PARD3: variants seen among roughly 807,000 people sequenced by gnomAD.
PARD3 encodes the protein par-3 family cell polarity regulator.
PARD3 carries 75 observed loss-of-function variants against 155.4 expected under a neutral mutation model. The observed-to-expected ratio is 0.48, with a 90% confidence interval of 0.40 to 0.58. The LOEUF (loss-of-function observed/expected upper bound fraction) is 0.58. Among genes scored for constraint, PARD3 ranks in the 20% least tolerant of loss-of-function variants. The probability of loss-of-function intolerance (pLI) is 0.00; values close to 1 mark genes in which losing one functional copy is unlikely to be tolerated. For missense variants in PARD3, 1,642 were observed against 1,721.7 expected (o/e 0.95, Z 0.82); for synonymous variants, 576 against 610.5 (o/e 0.94, Z 0.83).
chr10:34,273,558 G>C (rs1195619605), intron 21 of PARD3, among the ~76,000 whole-genome samples: 1 of 152,160 alleles, frequency 6.6e-6, no homozygotes, highest in Admixed American at 6.5e-5. Context: ...ATGTGCACAG[G>C]TGATGACACA....
intron 22 of PARD3, among the ~76,000 whole-genome samples, chr10:34,223,774 A>G (rs777193275): frequency 2.6e-5 from 4 of 152,190 alleles, no homozygotes; most frequent in East Asian, 1.9e-4. Context: ...CAGCCTCTAT[A>G]TATTTCCTCA....
intron 3 of PARD3, among the ~76,000 whole-genome samples, chr10:34,484,914 TGC>T (rs1271775280): frequency 6.6e-6 from 1 of 152,222 alleles, no homozygotes; most frequent in East Asian, 1.9e-4. Flanking sequence ...TCATTGTGTT[TGC>T]CATGCTGCCC....
chr10:34,803,329 GGA>G (rs914714112), intron 1 of PARD3, among the ~76,000 whole-genome samples: 18 of 151,990 alleles, frequency 1.2e-4, no homozygotes, highest in Non-Finnish European at 2.4e-4. Context: ...TAAATGTCTG[GGA>G]GAGATTCCTC....
At chr10:34,697,056 C>CACACACACA (rs1564520190) in intron 1 of PARD3, among the ~76,000 whole-genome samples, 3 of 147,952 alleles carry the variant, frequency 2.0e-5, no homozygotes, top group African/African-American at 7.7e-5. Context: ...ACACACACAC[C>CACACACACA]CCCCTCAAAA....
chr10:34,220,240 A>G (rs1952207158), intron 22 of PARD3, among the ~76,000 whole-genome samples: 1 of 152,214 alleles, frequency 6.6e-6, no homozygotes, highest in African/African-American at 2.4e-5. Flanking sequence ...TGATTAAAAT[A>G]TTCAACCACA....
chr10:34,344,023 T>C, intron 15 of PARD3: 1 of 974,170 alleles, frequency 1.0e-6, no homozygotes, highest in Non-Finnish European at 1.2e-6. Context: ...AAGATAAAAA[T>C]GTTCTAAATA....
At chr10:34,691,344 T>A (rs533304804) in intron 2 of PARD3, among the ~76,000 whole-genome samples, 8 of 152,064 alleles carry the variant, frequency 5.3e-5, no homozygotes, top group Non-Finnish European at 1.0e-4. Context: ...CCATTCCCAA[T>A]AGCCACAAAA....
chr10:34,672,536 G>A (rs2093627839), intron 2 of PARD3, among the ~76,000 whole-genome samples: 2 of 152,058 alleles, frequency 1.3e-5, no homozygotes, highest in South Asian at 2.1e-4. Flanking sequence ...ACACATGAAC[G>A]GCCCAGTGCA....
intron 3 of PARD3, among the ~76,000 whole-genome samples, chr10:34,505,047 A>G (rs111546737): frequency 0.011 from 1,670 of 152,288 alleles, 30 homozygotes; most frequent in African/African-American, 0.038. Context: ...AAAAAAAAAG[A>G]ACTCTTGTTT....
intron 22 of PARD3, among the ~76,000 whole-genome samples, chr10:34,247,968 T>A (rs916615052): frequency 5.9e-5 from 9 of 152,232 alleles, no homozygotes; most frequent in African/African-American, 1.9e-4. Flanking sequence ...AAGTAACTGA[T>A]TTACGGGAGT....
At chr10:34,370,807 G>GTGTGTGTGTGT in intron 12 of PARD3, among the ~76,000 whole-genome samples, 1 of 145,672 alleles carries the variant, frequency 6.9e-6, no homozygotes, top group African/African-American at 2.5e-5. Context: ...ATACAAATGG[G>GTGTGTGTGTGT]GTGTGTGTGT....
At chr10:34,473,776 A>G (rs1398231213) in intron 3 of PARD3, among the ~76,000 whole-genome samples, 1 of 152,130 alleles carries the variant, frequency 6.6e-6, no homozygotes, top group East Asian at 1.9e-4. Flanking sequence ...CCCAGTTACT[A>G]CTCCTTTCCT....
rs1946971004 is a variant in PARD3, at chr10:34,121,052, T to C, written c.3541-1312A>G. Among the ~76,000 whole-genome samples, 3 of 146,428 alleles carry C rather than the reference T, an allele frequency of 2.0e-5. No individual in the cohort carries two copies. The South Asian group carries it at 6.4e-4, about 31-fold the overall frequency. ...CAGCCTGGGTGATGGTGCAAGACCCTGTCTCAAAAAAAGAAAAAAAAAAAA... is the reference window on the plus strand; with the variant it reads ...CAGCCTGGGTGATGGTGCAAGACCCCGTCTCAAAAAAAGAAAAAAAAAAAA... On this transcript the variant is annotated intron_variant, in intron 23 of 24. Coordinates refer to ENST00000374788, the MANE Select transcript of PARD3 (RefSeq NM_001184785.2).
At chr10:34,299,238 T>C (rs899825419) in intron 20 of PARD3, among the ~76,000 whole-genome samples, 1 of 152,122 alleles carries the variant, frequency 6.6e-6, no homozygotes, top group Non-Finnish European at 1.5e-5. Flanking sequence ...TAAACACCAA[T>C]AGATATTCAG....
intron 20 of PARD3, among the ~76,000 whole-genome samples, chr10:34,292,676 T>C (rs1956729413): frequency 6.6e-6 from 1 of 152,186 alleles, no homozygotes; most frequent in Non-Finnish European, 1.5e-5. Flanking sequence ...AAAATAAATT[T>C]GTATTGCTTG....
intron 2 of PARD3, among the ~76,000 whole-genome samples, chr10:34,522,359 T>C (rs1485904855): frequency 6.6e-6 from 1 of 152,076 alleles, no homozygotes; most frequent in Non-Finnish European, 1.5e-5. Context: ...ACACACTGAT[T>C]TTATGGCATT....
At chr10:34,516,107 G>C (rs966430458) in intron 3 of PARD3, among the ~76,000 whole-genome samples, 1 of 152,016 alleles carries the variant, frequency 6.6e-6, no homozygotes, top group African/African-American at 2.4e-5. Context: ...TGGGATTACA[G>C]GCAACCGCCA....
At chr10:34,258,395 C>T (rs897906272) in intron 22 of PARD3, among the ~76,000 whole-genome samples, 15 of 151,904 alleles carry the variant, frequency 9.9e-5, no homozygotes, top group Non-Finnish European at 1.8e-4. Flanking sequence ...TGACTGTTAT[C>T]GGGGGGAGCA....
At chr10:34,482,426 C>T (rs1039461510) in intron 3 of PARD3, among the ~76,000 whole-genome samples, 11 of 152,116 alleles carry the variant, frequency 7.2e-5, no homozygotes, top group African/African-American at 2.4e-4. Context: ...CTGTCTCGGT[C>T]TCCCAAAGCG....
Sources: allele counts gnomAD v4.1 joint callset (sites outside exome capture counted in the v4.1 genomes callset), GRCh38; gene constraint gnomAD v4.1.1; transcripts MANE v1.5; gene names NCBI Gene and HGNC (gene_info 2026-07-23, HGNC 2026-07-21).